IQCM: variants seen among roughly 807,000 people sequenced by gnomAD.
IQCM encodes the protein IQ motif containing M, also known as IQ domain-containing protein M.
Under a neutral mutation model 57.6 loss-of-function variants are expected in IQCM, and 45 were observed. The observed-to-expected ratio is 0.78, with a 90% confidence interval of 0.62 to 1.00. IQCM has a LOEUF of 1.00. Among genes scored for constraint, IQCM ranks in the 50% least tolerant of loss-of-function variants. The pLI, the probability that IQCM is intolerant of heterozygous loss-of-function variation, is 0.00. For missense variants in IQCM, 468 were observed against 511.6 expected, an observed-to-expected ratio of 0.91 and a Z score of 0.82; for synonymous variants, 148 against 158.9, an observed-to-expected ratio of 0.93 and a Z score of 0.51.
intron 12 of IQCM, among the ~76,000 whole-genome samples, chr4:149,480,824 G>T (rs969955164): frequency 2.0e-5 from 3 of 152,072 alleles, no homozygotes; most frequent in Non-Finnish European, 2.9e-5. Context: ...TTAGATTTTT[G>T]AGGAACTTCC....
chr4:149,716,382 G>A (rs1764999761), intron 5 of IQCM, among the ~76,000 whole-genome samples: 1 of 152,216 alleles, frequency 6.6e-6, no homozygotes, highest in Non-Finnish European at 1.5e-5. Context: ...AGTGAGGACT[G>A]AGAGTTGGGA....
intron 7 of IQCM, among the ~76,000 whole-genome samples, chr4:149,653,156 G>C (rs1303303697): frequency 6.6e-6 from 1 of 152,074 alleles, no homozygotes; most frequent in Non-Finnish European, 1.5e-5. Context: ...TTGGTAAATG[G>C]TGTATCATTT....
At chr4:149,674,407 T>C (rs187982134) in intron 7 of IQCM, among the ~76,000 whole-genome samples, 28 of 152,254 alleles carry the variant, frequency 1.8e-4, no homozygotes, top group Non-Finnish European at 2.9e-5. Flanking sequence ...ACTGCCTTTA[T>C]GGAGATTATA....
Position 149,420,013 on chromosome 4 carries a change from G to A in IQCM, c.1390+13383C>T, listed in dbSNP as rs193198121. Among the ~76,000 whole-genome samples the A allele has an allele frequency of 5.9e-5, 9 of 152,246 alleles. No homozygotes were observed. In the East Asian group the frequency reaches 1.7e-3, roughly 30 times the overall value. On this transcript the variant is annotated intron_variant, in intron 13 of 13. Coordinates refer to ENST00000636793, the MANE Select transcript of IQCM (RefSeq NM_001363507.2). ...ATCAACAGATGCTGGTGAGGTTGTA[G>A]AGAAATAGGAATCTTTTTACACTGT...
At chr4:149,455,746 A>G (rs113785282) in intron 12 of IQCM, among the ~76,000 whole-genome samples, 100 of 152,174 alleles carry the variant, frequency 6.6e-4, no homozygotes, top group African/African-American at 2.3e-3. Context: ...TGGGAGGAAC[A>G]CTTGAGGCCA....
At chr4:149,814,330 G>C (rs1302914779) in intron 2 of IQCM, among the ~76,000 whole-genome samples, 1 of 151,902 alleles carries the variant, frequency 6.6e-6, no homozygotes, top group African/African-American at 2.4e-5. Context: ...CATGTTACAA[G>C]CCTGTAACTT....
chr4:149,644,599 T>C (rs763015415), intron 7 of IQCM, among the ~76,000 whole-genome samples: 37 of 152,182 alleles, frequency 2.4e-4, no homozygotes, highest in Admixed American at 1.1e-3. Context: ...ATTTGAATTG[T>C]TACCAGTTTG....
intron 8 of IQCM, among the ~76,000 whole-genome samples, chr4:149,619,265 C>G (rs149638796): frequency 6.6e-6 from 1 of 151,880 alleles, no homozygotes; most frequent in Non-Finnish European, 1.5e-5. Flanking sequence ...TGTTCTCATT[C>G]GTAAGTGGGA....
In IQCM at chr4:149,556,902, G is replaced by A. The variant is rs564569594; in HGVS notation, c.949-3615C>T. On this transcript the variant is annotated intron_variant, in intron 10 of 13. Transcript: ENST00000636793. ...GCTTGCTGTACTCATTTTGATCTGAGTCAAAGAGATTATTATTACTACTAC... is the reference window on the plus strand; with the variant it reads ...GCTTGCTGTACTCATTTTGATCTGAATCAAAGAGATTATTATTACTACTAC... Among the ~76,000 whole-genome samples the A allele has an allele frequency of 3.9e-5, 6 of 152,184 alleles. No individual in the cohort carries two copies. The South Asian group carries it at 1.2e-3, about 32-fold the overall frequency.
At chr4:149,420,408 A>G (rs1424649166) in intron 13 of IQCM, among the ~76,000 whole-genome samples, 1 of 152,078 alleles carries the variant, frequency 6.6e-6, no homozygotes, top group Admixed American at 6.6e-5. Flanking sequence ...GTTCTCCCTT[A>G]TAAGTAGGAG....
Position 149,733,491 on chromosome 4 carries a change from A to T in IQCM, c.138T>A (p.Thr46=), listed in dbSNP as rs1457612754. 27 of 1,227,034 alleles carry T rather than the reference A, an allele frequency of 2.2e-5. No individual in the cohort carries two copies. The highest frequency in any genetic ancestry group is 2.7e-5 in the Non-Finnish European group (27 of 983,362). The allele number at this position is 1,227,034 out of a possible 1,614,324, so 76.0% of individuals were successfully genotyped here. A position where few individuals can be genotyped will look rare whatever the true frequency, so the allele number is the denominator to read the frequency against. The change falls in exon 5 of 14, where the codon ACT becomes ACA. Residue 46 remains threonine (T), a synonymous_variant. Transcript: ENST00000636793. ...GTTTCTTTCTAAAAACATTTATAGA[A>T]GTACCTTGAACTTTATTCTATGAAT... ...EKINENKVQG[T]SINVFRKKHQ... is the part of the protein sequence containing the mutation.
intron 5 of IQCM, among the ~76,000 whole-genome samples, chr4:149,727,926 A>G (rs1212870271): frequency 6.6e-6 from 1 of 152,160 alleles, no homozygotes; most frequent in African/African-American, 2.4e-5. Flanking sequence ...ATCTCTTCCC[A>G]ACTCCTGTAA....
chr4:149,351,751 TG>T lies in IQCM; in HGVS notation c.*199del, dbSNP rs953023824. Reference sequence around the variant, plus strand: ...GTTTACTTCATTATGATAAAAGAGATGTTTTTTATGAAGGAGATCAAATGAA... The same window carrying T: ...GTTTACTTCATTATGATAAAAGAGATTTTTTTATGAAGGAGATCAAATGAA... On this transcript the variant is annotated 3_prime_UTR_variant, in exon 14 of 14. Transcript: ENST00000636793. Among the ~76,000 whole-genome samples, 59 of 152,184 alleles carry T rather than the reference TG, an allele frequency of 3.9e-4. No homozygotes were observed. Among genetic ancestry groups the T allele is most frequent in the Admixed American group, 4.6e-4 (7 of 15,276 alleles).
intron 8 of IQCM, among the ~76,000 whole-genome samples, chr4:149,602,026 C>G (rs1175211871): frequency 2.1e-5 from 3 of 143,328 alleles, no homozygotes; most frequent in Non-Finnish European, 4.5e-5. Flanking sequence ...TGCGCTCCAG[C>G]CTGGGCGACA....
At chr4:149,774,517 G>A (rs1770890313) in intron 2 of IQCM, among the ~76,000 whole-genome samples, 1 of 152,082 alleles carries the variant, frequency 6.6e-6, no homozygotes, top group African/African-American at 2.4e-5. Context: ...ATATTAAAAG[G>A]CTAGGGTGGG....
chr4:149,644,866 C>T (rs1758506554), intron 7 of IQCM, among the ~76,000 whole-genome samples: 1 of 152,166 alleles, frequency 6.6e-6, no homozygotes, highest in African/African-American at 2.4e-5. Flanking sequence ...AGCACTTCTC[C>T]AGAATATAAC....
chr4:149,800,417 C>G (rs1043626000), intron 2 of IQCM, among the ~76,000 whole-genome samples: 1 of 151,852 alleles, frequency 6.6e-6, no homozygotes, highest in Non-Finnish European at 1.5e-5. Flanking sequence ...AACTGAAACC[C>G]TTTCCTCTAA....
intron 12 of IQCM, among the ~76,000 whole-genome samples, chr4:149,473,266 C>G (rs186986171): frequency 3.3e-5 from 5 of 152,216 alleles, no homozygotes; most frequent in Non-Finnish European, 7.4e-5. Context: ...AGAACTTAAA[C>G]AAATTTACAA....
At chr4:149,719,288 G>A (rs1765247563) in intron 5 of IQCM, among the ~76,000 whole-genome samples, 1 of 150,412 alleles carries the variant, frequency 6.6e-6, no homozygotes, top group Non-Finnish European at 1.5e-5. Context: ...AGGTTGCAGT[G>A]ACCCAAGACT....
Sources: allele counts gnomAD v4.1 joint callset (sites outside exome capture counted in the v4.1 genomes callset), GRCh38; gene constraint gnomAD v4.1.1; transcripts MANE v1.5; gene names NCBI Gene and HGNC (gene_info 2026-07-23, HGNC 2026-07-21).